The following SNRPN variants were observed in gnomAD, a reference collection of about 807,000 sequenced individuals.
SNRPN encodes small nuclear ribonucleoprotein polypeptide N.
SNRPN carries 7 observed loss-of-function variants against 25.2 expected under a neutral mutation model. The ratio of observed to expected loss-of-function variants is 0.28; its 90% CI spans 0.16 to 0.52. SNRPN has a LOEUF of 0.52. SNRPN is among the 20% of genes least tolerant of loss of function. The probability of loss-of-function intolerance (pLI) is 0.96; values close to 1 mark genes in which losing one functional copy is unlikely to be tolerated. For missense variants in SNRPN, 196 were observed against 322.5 expected (o/e 0.61, Z 3.00); for synonymous variants, 124 against 110.6 (o/e 1.12, Z -0.76).
chr15:24,909,835 C>T, intron 2 of SNRPN: 3 of 1,036,544 alleles, frequency 2.9e-6, no homozygotes, highest in East Asian at 2.4e-5. Context: ...TCCTGCAGAA[C>T]AGAGACCCGC....
Position 24,957,887 on chromosome 15 carries a change from T to A in SNRPN, c.-391+2825T>A, listed in dbSNP as rs73354187. Among the ~76,000 whole-genome samples the A allele has an allele frequency of 2.7e-3, 408 of 152,282 alleles. 1 individual carries two copies. The highest frequency in any genetic ancestry group is 9.3e-3 in the African/African-American group (388 of 41,558). On this transcript the variant is annotated intron_variant, in intron 1 of 9. Coordinates refer to ENST00000390687, the MANE Select transcript of SNRPN (RefSeq NM_003097.6). ...AGGCCCGGGATCCTAATATGGCAGA[T>A]CCCTTTGGAAAGGCCTCTTGAAGTT... is the stretch of plus-strand genomic sequence containing the variant.
intron 2 of SNRPN, among the ~76,000 whole-genome samples, chr15:24,915,320 G>T (rs191999348): frequency 2.8e-3 from 423 of 152,012 alleles, no homozygotes; most frequent in Non-Finnish European, 5.1e-3. Context: ...TAGAGATAGG[G>T]TTTCACCATG....
In SNRPN at chr15:24,954,997, G is replaced by T; in HGVS notation, c.-456G>T. On this transcript the variant is annotated 5_prime_UTR_variant, in exon 1 of 10. Transcript: ENST00000390687. ...TGCAGCGAGTCTGGCGCAGAGTGGA[G>T]CGGCCGCCGGAGATGCCTGACGCAT... 6 of 1,610,300 alleles carry T rather than the reference G, an allele frequency of 3.7e-6. No homozygotes were observed. The highest frequency in any genetic ancestry group is 5.1e-6 in the Non-Finnish European group (6 of 1,179,330).
chr15:24,825,691 A>G (rs1171276536), intron 1 of SNRPN, among the ~76,000 whole-genome samples: 2 of 152,104 alleles, frequency 1.3e-5, no homozygotes, highest in African/African-American at 2.4e-5. Context: ...GAACACTTAT[A>G]TTTGCCTACA....
intron 2 of SNRPN, among the ~76,000 whole-genome samples, chr15:24,842,389 T>C (rs201990901): frequency 2.0e-5 from 3 of 152,232 alleles, no homozygotes; most frequent in South Asian, 4.1e-4. Context: ...AGGATGCACA[T>C]TTATTATTTA....
chr15:24,876,401 G>C (rs2055879945), intron 1 of SNRPN, among the ~76,000 whole-genome samples: 1 of 150,336 alleles, frequency 6.7e-6, no homozygotes, highest in Non-Finnish European at 1.5e-5. Context: ...TGGATCACCT[G>C]AGGTCAGGAG....
At chr15:24,893,999 C>T (rs923413569) in intron 2 of SNRPN, among the ~76,000 whole-genome samples, 3 of 152,116 alleles carry the variant, frequency 2.0e-5, no homozygotes, top group Non-Finnish European at 4.4e-5. Context: ...AAAATGCAGC[C>T]CTCTAAAGAT....
chr15:24,884,335 A>C (rs79686950), intron 1 of SNRPN, among the ~76,000 whole-genome samples: 3,493 of 152,260 alleles, frequency 0.023, 48 homozygotes, highest in Non-Finnish European at 0.036. Context: ...CCCTGTCTCA[A>C]AACACAAACA....
intron 2 of SNRPN, among the ~76,000 whole-genome samples, chr15:24,896,511 C>A (rs1279271393): frequency 6.8e-6 from 1 of 146,008 alleles, no homozygotes; most frequent in South Asian, 2.1e-4. Context: ...GAGATCGAGA[C>A]CCCCCCGCCG....
chr15:24,904,674 A>AAAAG (rs2058685080), intron 2 of SNRPN, among the ~76,000 whole-genome samples: 1 of 124,202 alleles, frequency 8.1e-6, no homozygotes. Context: ...AAAAGAAAAG[A>AAAAG]AAAGAAAGAA....
At chr15:24,918,356 TTA>T (rs1309406103) in intron 2 of SNRPN, among the ~76,000 whole-genome samples, 2 of 85,914 alleles carry the variant, frequency 2.3e-5, no homozygotes, top group East Asian at 3.2e-4. Context: ...ATATATAACA[TTA>T]TATATATGTG....
chr15:24,961,678 A>G (rs552535344), intron 1 of SNRPN, among the ~76,000 whole-genome samples: 15 of 152,272 alleles, frequency 9.9e-5, no homozygotes, highest in African/African-American at 3.4e-4. Flanking sequence ...AATTTAAACT[A>G]TGTTCTATTC....
rs574751672 is a variant in SNRPN at position 24,958,580 on chromosome 15, A to G, written c.-391+3518A>G. ...GAACTCGAACTGCTAGACTCAAGCT[A>G]TATCCTCTCCCTCCTCAGTCTCTCT... On this transcript the variant is annotated intron_variant, in intron 1 of 9. Coordinates refer to ENST00000390687, the MANE Select transcript of SNRPN (RefSeq NM_003097.6). Among the ~76,000 whole-genome samples, 9 of 139,632 alleles carry G rather than the reference A, an allele frequency of 6.4e-5. No homozygotes were observed. In the South Asian group the frequency reaches 1.8e-3, roughly 28 times the overall value. 91.6% of individuals were successfully genotyped at this position (139,632 alleles called of 152,430 possible). A position where few individuals can be genotyped will look rare whatever the true frequency, so the allele number is the denominator to read the frequency against.
chr15:24,908,682 A>C lies in SNRPN; in HGVS notation c.-504-11329A>C, dbSNP rs1309777463. ...AAGGCCGGAGTAACTCACCATACCAACTCAAAGTTACAAGTTTTTTTCTAG... is the reference window on the plus strand; with the variant it reads ...AAGGCCGGAGTAACTCACCATACCACCTCAAAGTTACAAGTTTTTTTCTAG... On this transcript the variant is annotated intron_variant, in intron 2 of 11. Coordinates refer to the SNRPN transcript ENST00000400097. Among the ~76,000 whole-genome samples the C allele has an allele frequency of 3.1e-5, 4 of 127,176 alleles. No homozygotes were observed. The East Asian group carries it at 9.4e-4, about 30-fold the overall frequency. 83.4% of individuals were successfully genotyped at this position (127,176 alleles called of 152,430 possible). A position where few individuals can be genotyped will look rare whatever the true frequency, so the allele number is the denominator to read the frequency against.
chr15:24,854,180 C>T (rs541931943), upstream of SNRPN, among the ~76,000 whole-genome samples: 6 of 152,210 alleles, frequency 3.9e-5, no homozygotes, highest in South Asian at 2.1e-4. Flanking sequence ...GGCATGAATC[C>T]GTTTATGAGG....
At chr15:24,834,994 T>G (rs184984932) in intron 2 of SNRPN, among the ~76,000 whole-genome samples, 7 of 54,836 alleles carry the variant, frequency 1.3e-4, no homozygotes, top group Admixed American at 2.3e-4. Context: ...AAAATAGATA[T>G]ATATAGTATA....
At chr15:24,832,286 G>A (rs186434323) in intron 2 of SNRPN, among the ~76,000 whole-genome samples, 27 of 151,896 alleles carry the variant, frequency 1.8e-4, no homozygotes, top group African/African-American at 6.3e-4. Flanking sequence ...GATATAACGG[G>A]GACTTGTTTT....
intron 2 of SNRPN, among the ~76,000 whole-genome samples, chr15:24,967,532 C>T (rs1198427503): frequency 1.3e-5 from 2 of 151,870 alleles, no homozygotes; most frequent in Non-Finnish European, 2.9e-5. Flanking sequence ...GTCTCAGCTA[C>T]TCGGGAGGCT....
At chr15:24,876,072 A>C (rs966813518) in intron 1 of SNRPN, among the ~76,000 whole-genome samples, 2 of 151,228 alleles carry the variant, frequency 1.3e-5, no homozygotes, top group Non-Finnish European at 2.9e-5. Context: ...AAGAAAAAAA[A>C]CAAAAAAAAT....
Sources: allele counts gnomAD v4.1 joint callset (sites outside exome capture counted in the v4.1 genomes callset), GRCh38; gene constraint gnomAD v4.1.1; transcripts MANE v1.5; gene names NCBI Gene and HGNC (gene_info 2026-07-23, HGNC 2026-07-21).